NECTIN2: variants seen among roughly 807,000 people sequenced by gnomAD.
NECTIN2 encodes nectin-2.
A neutral mutation model predicts 56.9 loss-of-function variants in NECTIN2; 23 were observed. The ratio of observed to expected loss-of-function variants is 0.40; its 90% CI spans 0.29 to 0.57. The LOEUF is 0.57. Among genes scored for constraint, NECTIN2 ranks in the 20% least tolerant of loss-of-function variants. NECTIN2 has a pLI of 0.38. For missense variants in NECTIN2, 587 were observed against 718.3 expected (o/e 0.82, Z 2.09); for synonymous variants, 302 against 313.8 (o/e 0.96, Z 0.40).
At chr19:44,864,596 G>A (rs1342821584) in intron 1 of NECTIN2, among the ~76,000 whole-genome samples, 8 of 152,082 alleles carry the variant, frequency 5.3e-5, no homozygotes, top group Non-Finnish European at 1.2e-4. Context: ...TGAGGCAAGC[G>A]GATCACGAGG....
At position 44,873,917 on chromosome 19, in the gene NECTIN2, C is replaced by T; in HGVS notation, c.777C>T (p.Tyr259=). 6.2e-7 allele frequency: 1 copy of T among 1,610,484 alleles called. No homozygotes were observed. The highest frequency in any genetic ancestry group is 8.5e-7 in the Non-Finnish European group (1 of 1,176,830). Residue 259 remains tyrosine (Y), a splice_region_variant and synonymous_variant, in exon 4 of 9, where the codon TAC becomes TAT. Coordinates refer to ENST00000252483, the MANE Select transcript of NECTIN2 (RefSeq NM_001042724.2). ...ALIPVTLSVR[Y]PPEVSISGYD... Reference sequence around the variant, plus strand: ...ATCCAGTCCCCCCATTTCCCCCAGACCCTCCTGAAGTGTCCATCTCCGGCT... The same window carrying T: ...ATCCAGTCCCCCCATTTCCCCCAGATCCTCCTGAAGTGTCCATCTCCGGCT...
At chr19:44,853,877 G>A (rs1022270174) in intron 1 of NECTIN2, among the ~76,000 whole-genome samples, 2 of 151,780 alleles carry the variant, frequency 1.3e-5, no homozygotes, top group African/African-American at 4.9e-5. Context: ...TACAGGTTGT[G>A]AGCAAAACAG....
Position 44,865,181 on chromosome 19 carries a change from C to A in NECTIN2, c.89-90C>A. 1 of 1,400,804 alleles carries A rather than the reference C, an allele frequency of 7.1e-7. No individual in the cohort carries two copies. The highest frequency in any genetic ancestry group is 9.7e-7 in the Non-Finnish European group (1 of 1,033,826). The allele number at this position is 1,400,804 out of a possible 1,614,324, so 86.8% of individuals were successfully genotyped here. On this transcript the variant is annotated intron_variant, in intron 1 of 8. Transcript: ENST00000252483. This position sits in a 1 kb window ranked among gnomAD's most constrained non-coding sequence, Gnocchi z 5.2. ...TACGTTGCATGCGGAGCCTGCATTT[C>A]CCGTGGGGCCCCCTTCGTGGTGGCC...
intron 1 of NECTIN2, among the ~76,000 whole-genome samples, chr19:44,857,497 G>A (rs12463239): frequency 0.12 from 17,598 of 149,874 alleles, 1,265 homozygotes; most frequent in Middle Eastern, 0.23. Flanking sequence ...CACCTCCCGG[G>A]TTCAAGCAAT....
chr19:44,860,722 C>T lies in NECTIN2; in HGVS notation c.89-4549C>T, dbSNP rs918656289. On this transcript the variant is annotated intron_variant, in intron 1 of 8. Coordinates refer to ENST00000252483, the MANE Select transcript of NECTIN2 (RefSeq NM_001042724.2). ...CGCGATCTCGGCTCACTGCAACCTC[C>T]GCCTCCTGGGTTCAAGTGAACACGT... 9.9e-5 allele frequency among the ~76,000 whole-genome samples: 15 copies of T among 151,600 alleles called. No homozygotes were observed. In the East Asian group the frequency reaches 2.1e-3, roughly 22 times the overall value.
chr19:44,882,255 G>T lies in NECTIN2; in HGVS notation c.1087G>T (p.Gly363Trp). 6.4e-7 allele frequency: 1 copy of T among 1,552,146 alleles called. No homozygotes were observed. Among genetic ancestry groups the T allele is most frequent in the Non-Finnish European group, 8.7e-7 (1 of 1,147,868 alleles). Residue 363 changes from glycine to tryptophan, a missense_variant, in exon 6 of 9, where the codon GGG becomes TGG. By Grantham distance (184) the Gly-to-Trp change is radical. Coordinates refer to ENST00000252483, the MANE Select transcript of NECTIN2 (RefSeq NM_001042724.2). The part of the protein sequence containing the change: ...AGAGATGGII[G>W]GIIAAIIATA... The stretch of plus-strand genomic sequence containing the variant: ...CGCAGGGGCCACAGGCGGCATCATC[G>T]GGGGCATCATCGCCGCCATCATTGC...
Position 44,888,150 on chromosome 19 carries a change from G to A in NECTIN2, c.1388G>A (p.Arg463Gln), listed in dbSNP as rs377257667. Residue 463 changes from arginine (R) to glutamine (Q), a missense_variant, in exon 9 of 9, where the codon CGG becomes CAG. Transcript: ENST00000252483. ...CATGAGCTGCCCACCTTGGAAGAAC[G>A]GTCAGGACCCTTGCACCCTGGAGCC... ...RYHELPTLEE[R>Q]SGPLHPGATS... 40 of 1,614,058 alleles carry A rather than the reference G, an allele frequency of 2.5e-5. No individual in the cohort carries two copies. In the African/African-American group the frequency reaches 4.0e-4, roughly 16 times the overall value.
At chr19:44,871,318 G>C (rs1969172039) in intron 2 of NECTIN2, among the ~76,000 whole-genome samples, 1 of 152,150 alleles carries the variant, frequency 6.6e-6, no homozygotes, top group African/African-American at 2.4e-5. Flanking sequence ...CTTGTGCTCA[G>C]GAGTTTGAGA....
chr19:44,861,493 A>G (rs1429214975), intron 1 of NECTIN2, among the ~76,000 whole-genome samples: 2 of 152,266 alleles, frequency 1.3e-5, no homozygotes, highest in Non-Finnish European at 2.9e-5. Context: ...AGCAAAAGCA[A>G]ACATTGACAA....
intron 1 of NECTIN2, among the ~76,000 whole-genome samples, chr19:44,847,840 C>T (rs1360696858): frequency 6.6e-6 from 1 of 152,162 alleles, no homozygotes. Flanking sequence ...GTGGAGCCGC[C>T]GCCCTTATCC....
intron 8 of NECTIN2, among the ~76,000 whole-genome samples, chr19:44,886,646 C>G (rs918062028): frequency 2.0e-5 from 3 of 152,106 alleles, no homozygotes; most frequent in Non-Finnish European, 4.4e-5. Context: ...CGCCTGAACC[C>G]AGGAGGCCGA....
At chr19:44,854,249 A>G (rs1019445847) in intron 1 of NECTIN2, among the ~76,000 whole-genome samples, 3 of 151,882 alleles carry the variant, frequency 2.0e-5, no homozygotes, top group African/African-American at 7.2e-5. Flanking sequence ...CATGCAGCTA[A>G]TTTTTGTATA....
At position 44,846,508 on chromosome 19, in the gene NECTIN2, T is replaced by TC; in HGVS notation, c.-14dup. ...CCCGCGGGCCTCCGGCCGGGCCCAG[T>TC]CCCCTCCCGGGCCCTCCATGGCCCG... On this transcript the variant is annotated 5_prime_UTR_variant, in exon 1 of 9. Coordinates refer to ENST00000252483, the MANE Select transcript of NECTIN2 (RefSeq NM_001042724.2). 3.4e-6 allele frequency: 5 copies of TC among 1,483,096 alleles called. No individual in the cohort carries two copies. The highest frequency in any genetic ancestry group is 4.4e-6 in the Non-Finnish European group (5 of 1,124,942). The allele number at this position is 1,483,096 out of a possible 1,614,324, so 91.9% of individuals were successfully genotyped here.
rs1054013258 is a variant in NECTIN2, at chr19:44,875,358, C to T, written c.1042+880C>T. On this transcript the variant is annotated intron_variant, in intron 5 of 8. Transcript: ENST00000252483. The surrounding 1 kb of genome is among the most constrained non-coding windows in gnomAD (Gnocchi z 4.2). Reference sequence around the variant, plus strand: ...TCAGCTCACCGCAACCTCCGCCTCCCGGGTTCAAGCAATTATCCTGCCTCA... The same window carrying T: ...TCAGCTCACCGCAACCTCCGCCTCCTGGGTTCAAGCAATTATCCTGCCTCA... Among the ~76,000 whole-genome samples, 52 of 152,136 alleles carry T rather than the reference C, an allele frequency of 3.4e-4. No homozygotes were observed. The highest frequency in any genetic ancestry group is 1.2e-3 in the African/African-American group (50 of 41,512).
intron 1 of NECTIN2, among the ~76,000 whole-genome samples, chr19:44,854,137 ACT>A (rs1255093258): frequency 6.6e-6 from 1 of 151,694 alleles, no homozygotes; most frequent in African/African-American, 2.4e-5. Flanking sequence ...CCGAGTCCTC[ACT>A]CTGTCACCCA....
chr19:44,870,117 G>A (rs1488451786), intron 2 of NECTIN2, among the ~76,000 whole-genome samples: 1 of 152,172 alleles, frequency 6.6e-6, no homozygotes, highest in Non-Finnish European at 1.5e-5. Context: ...GACGAAGTGG[G>A]GCTTGGAGTG....
intron 2 of NECTIN2, among the ~76,000 whole-genome samples, chr19:44,871,450 C>G (rs1444568586): frequency 6.6e-6 from 1 of 152,032 alleles, no homozygotes; most frequent in Non-Finnish European, 1.5e-5. Context: ...ATCACTTGAG[C>G]CTAGGAGGTG....
At chr19:44,859,620 T>C (rs1969008839) in intron 1 of NECTIN2, among the ~76,000 whole-genome samples, 1 of 152,256 alleles carries the variant, frequency 6.6e-6, no homozygotes, top group African/African-American at 2.4e-5. Flanking sequence ...GGTCAGGAGT[T>C]TGAAACCAGC....
rs1599923322 is a variant in NECTIN2, at chr19:44,876,000, C to T, written c.1042+1522C>T. The stretch of plus-strand genomic sequence containing the variant: ...AATCCAGGACAGCAACGGCTGCACA[C>T]GGAGGAATGTCATCCCTCACTCACA... On this transcript the variant is annotated intron_variant, in intron 5 of 8. Transcript: ENST00000252483. The surrounding 1 kb of genome is among the most constrained non-coding windows in gnomAD (Gnocchi z 4.2). Among the ~76,000 whole-genome samples the T allele has an allele frequency of 6.6e-6, 1 of 152,118 alleles. No homozygotes were observed. Among genetic ancestry groups the T allele is most frequent in the African/African-American group, 2.4e-5 (1 of 41,412 alleles).
Sources: allele counts gnomAD v4.1 joint callset (sites outside exome capture counted in the v4.1 genomes callset), GRCh38; gene constraint gnomAD v4.1.1; non-coding constraint Gnocchi (gnomAD v3.1); transcripts MANE v1.5; gene names NCBI Gene and HGNC (gene_info 2026-07-23, HGNC 2026-07-21).